OVGP1: variants seen among roughly 807,000 people sequenced by gnomAD.
OVGP1 encodes oviductal glycoprotein 1.
In OVGP1, 26 loss-of-function variants were observed where a neutral mutation model predicts 48.2. That is an observed-to-expected ratio of 0.54 (90% CI 0.40 to 0.75). The LOEUF (loss-of-function observed/expected upper bound fraction) is 0.75. Ranked by LOEUF, OVGP1 falls within the 30% of genes least tolerant of loss-of-function variation. The pLI is 0.00. For missense variants in OVGP1, 791 were observed against 820.6 expected, an observed-to-expected ratio of 0.96 and a Z score of 0.44; for synonymous variants, 294 against 305.7, an observed-to-expected ratio of 0.96 and a Z score of 0.40.
At chr1:111,419,844 A>C (rs966663254) in intron 8 of OVGP1, 118 bp from the exon 9 acceptor site, 1 of 679,174 alleles carries the variant, frequency 1.5e-6, no homozygotes, top group African/African-American at 1.8e-5. Flanking sequence ...GAATGAGAAG[A>C]AGGTAAACCA....
chr1:111,414,761 G>A lies in OVGP1; in HGVS notation c.1740C>T (p.Asn580=). 2 of 1,610,150 alleles carry A rather than the reference G, an allele frequency of 1.2e-6. No homozygotes were observed. Among genetic ancestry groups the A allele is most frequent in the Non-Finnish European group, 1.7e-6 (2 of 1,176,892 alleles). ...TCTGCCCTTCAGGGGTGACTGATAT[G>A]TTTCTGGAGGGGACAGTCACCTTTT... ...AREKVTVPSR[N]ISVTPEGQTM... The change falls in exon 11 of 11, where the codon AAC becomes AAT. Residue 580 remains asparagine (N), a synonymous_variant. Coordinates refer to ENST00000369732, the MANE Select transcript of OVGP1 (RefSeq NM_002557.4).
In OVGP1 at chr1:111,415,359, C is replaced by T; in HGVS notation, c.1157-15G>A. The T allele has an allele frequency of 1.3e-6, 2 of 1,593,684 alleles. No homozygotes were observed. The highest frequency in any genetic ancestry group is 1.7e-6 in the Non-Finnish European group (2 of 1,167,912). On this transcript the variant is annotated splice_polypyrimidine_tract_variant and intron_variant, in intron 10 of 10. Coordinates refer to ENST00000369732, the MANE Select transcript of OVGP1 (RefSeq NM_002557.4). ...TGAACTGAACTCTAGAGAAAATCAA[C>T]AGAAAAGAATGAGATTCCTACCACT...
At chr1:111,418,217 C>T (rs1468879969) in intron 9 of OVGP1, among the ~76,000 whole-genome samples, 2 of 152,182 alleles carry the variant, frequency 1.3e-5, no homozygotes, top group Admixed American at 6.5e-5. Flanking sequence ...ACAGTAACTG[C>T]ACCTCAAAGC....
chr1:111,425,144 C>T (rs1272336883), intron 4 of OVGP1, among the ~76,000 whole-genome samples: 1 of 152,204 alleles, frequency 6.6e-6, no homozygotes, highest in Non-Finnish European at 1.5e-5. Flanking sequence ...CTCATTTTGT[C>T]CCTAATTTTC....
chr1:111,421,160 C>T, intron 8 of OVGP1, 116 bp downstream of exon 8: 2 of 856,596 alleles, frequency 2.3e-6, no homozygotes, highest in Non-Finnish European at 3.5e-6. Context: ...ACTAATAGAC[C>T]ACCTCTTTGC....
intron 3 of OVGP1, among the ~76,000 whole-genome samples, chr1:111,425,929 CAG>C (rs1331852373): frequency 1.8e-4 from 27 of 152,070 alleles, no homozygotes; most frequent in African/African-American, 5.8e-4. Flanking sequence ...CCTTTGGGCA[CAG>C]AGAGATCCCA....
rs758412974 is a variant in OVGP1 at position 111,425,515 on chromosome 1, T to C, written c.261-76A>G. On this transcript the variant is annotated intron_variant, in intron 3 of 10. Coordinates refer to ENST00000369732, the MANE Select transcript of OVGP1 (RefSeq NM_002557.4). ...CAGCTGCTGCCACATTCTTTTATTTTGCTCATTGGAAGAAAACAGGAAACA... is the reference window on the plus strand; with the variant it reads ...CAGCTGCTGCCACATTCTTTTATTTCGCTCATTGGAAGAAAACAGGAAACA... 7.5e-6 allele frequency: 12 copies of C among 1,600,372 alleles called. No individual in the cohort carries two copies. The South Asian group carries it at 1.2e-4, about 16-fold the overall frequency.
In OVGP1 at chr1:111,416,643, A is replaced by T. The variant is rs1571352788; in HGVS notation, c.1021-185T>A. On this transcript the variant is annotated intron_variant, in intron 9 of 10. Transcript: ENST00000369732. ...ATCCTGAAGAAGTTATGTAACCCTT[A>T]TGTGTCTTAACTGCCTCATTTGTGA... is the stretch of plus-strand genomic sequence containing the variant. 50 of 444,304 alleles carry T rather than the reference A, an allele frequency of 1.1e-4. No homozygotes were observed. The East Asian group carries it at 1.7e-3, about 15-fold the overall frequency. The allele number at this position is 444,304 out of a possible 1,614,324, so 27.5% of individuals were successfully genotyped here. A position where few individuals can be genotyped will look rare whatever the true frequency, so the allele number is the denominator to read the frequency against.
At chr1:111,416,909 T>TA (rs1381703365) in intron 9 of OVGP1, among the ~76,000 whole-genome samples, 3 of 152,122 alleles carry the variant, frequency 2.0e-5, no homozygotes, top group Non-Finnish European at 4.4e-5. Context: ...AAGGGGAAGT[T>TA]ACTGTTTAAT....
At chr1:111,426,118 G>A (rs1183524093) in intron 3 of OVGP1, among the ~76,000 whole-genome samples, 1 of 152,182 alleles carries the variant, frequency 6.6e-6, no homozygotes, top group African/African-American at 2.4e-5. Flanking sequence ...TTTGGGATGT[G>A]TAAGCCCACT....
chr1:111,417,884 G>A (rs986667073), intron 9 of OVGP1, among the ~76,000 whole-genome samples: 16 of 152,196 alleles, frequency 1.1e-4, no homozygotes, highest in African/African-American at 3.9e-4. Flanking sequence ...TAGAATGGTT[G>A]ACATATGTGG....
At chr1:111,423,753 TCA>T (rs1557784489) in intron 4 of OVGP1, 45 bp from the exon 5 acceptor site, 1 of 1,583,308 alleles carries the variant, frequency 6.3e-7, no homozygotes, top group Admixed American at 1.7e-5. Context: ...ATCCACAGAA[TCA>T]CAACCTCCTA....
intron 6 of OVGP1, among the ~76,000 whole-genome samples, chr1:111,421,934 C>T (rs1016334004): frequency 1.6e-4 from 24 of 152,188 alleles, no homozygotes; most frequent in African/African-American, 5.8e-4. Flanking sequence ...AAAATACACT[C>T]AGGCCTGATA....
chr1:111,422,857 T>C, intron 6 of OVGP1, 70 bp downstream of exon 6: 1 of 1,575,184 alleles, frequency 6.3e-7, no homozygotes, highest in African/African-American at 1.3e-5. Context: ...CTTGGGAAGC[T>C]CTGGGGTTCT....
intron 9 of OVGP1, among the ~76,000 whole-genome samples, chr1:111,418,633 A>G (rs1652189563): frequency 6.6e-6 from 1 of 152,108 alleles, no homozygotes; most frequent in South Asian, 2.1e-4. Context: ...ACATTCCGAC[A>G]ATTTCTCACC....
At chr1:111,424,460 C>A (rs1652351277) in intron 4 of OVGP1, among the ~76,000 whole-genome samples, 1 of 152,196 alleles carries the variant, frequency 6.6e-6, no homozygotes, top group South Asian at 2.1e-4. Flanking sequence ...AGTTTCCCAC[C>A]TCCTTGCTGG....
At chr1:111,420,285 C>G (rs942218814) in intron 8 of OVGP1, among the ~76,000 whole-genome samples, 2 of 152,226 alleles carry the variant, frequency 1.3e-5, no homozygotes, top group African/African-American at 4.8e-5. Context: ...GGTACGCAAG[C>G]TGTGCTGCAG....
In OVGP1 at chr1:111,414,851, G is replaced by T; in HGVS notation, c.1650C>A (p.Val550=). The change falls in exon 11 of 11, where the codon GTC becomes GTA. Residue 550 remains valine (V), a synonymous_variant. Transcript: ENST00000369732. ...VSPGGTTMTP[V]HFQTETLRQN... is the part of the protein sequence containing the mutation. ...GTCTAAGGGTCTCAGTCTGAAAATG[G>T]ACAGGGGTCATAGTCGTTCCTCCAG... The T allele has an allele frequency of 6.3e-7, 1 of 1,595,318 alleles. No individual in the cohort carries two copies. The highest frequency in any genetic ancestry group is 8.6e-7 in the Non-Finnish European group (1 of 1,167,112).
Position 111,415,053 on chromosome 1 carries a change from C to T in OVGP1, c.1448G>A (p.Gly483Asp), listed in dbSNP as rs765443903. The change falls in exon 11 of 11, where the codon GGT becomes GAT. Residue 483 changes from glycine (G) to aspartate (D), a missense_variant. Transcript: ENST00000369732. ...ITGAMTMTSVGHQSMTPGEKA... is the reference protein window; with the variant it reads ...ITGAMTMTSVDHQSMTPGEKA... ...CTCTCCAGGGGTCATGGACTGATGA[C>T]CCACAGAAGTCATGGTCATTGCCCC... The T allele has an allele frequency of 1.9e-6, 3 of 1,614,120 alleles. No individual in the cohort carries two copies. In the East Asian group the frequency reaches 6.7e-5, roughly 36 times the overall value.
Sources: allele counts gnomAD v4.1 joint callset (sites outside exome capture counted in the v4.1 genomes callset), GRCh38; gene constraint gnomAD v4.1.1; transcripts MANE v1.5; gene names NCBI Gene and HGNC (gene_info 2026-07-23, HGNC 2026-07-21).